QRSL1: variants seen among roughly 807,000 people sequenced by gnomAD.
The protein encoded by QRSL1 is glutaminyl-tRNA amidotransferase subunit QRSL1, also known as glutamyl-tRNA(Gln) amidotransferase subunit A, mitochondrial.
QRSL1 carries 54 observed loss-of-function variants against 61.6 expected under a neutral mutation model. That is an observed-to-expected ratio of 0.88 (90% confidence interval 0.70 to 1.10). The LOEUF (loss-of-function observed/expected upper bound fraction) is 1.10. QRSL1 is among the 50% of genes least tolerant of loss of function. QRSL1 has a pLI of 0.00. For missense variants in QRSL1, 505 were observed against 622.6 expected (o/e 0.81, Z 2.01); for synonymous variants, 228 against 225.7 (o/e 1.01, Z -0.09).
intron 3 of QRSL1, chr6:106,642,497 A>G (rs575631858): frequency 3.6e-5 from 25 of 687,758 alleles, no homozygotes; most frequent in Non-Finnish European, 6.1e-5. Flanking sequence ...GGCACCCAAT[A>G]TGTGTTTTCT....
intron 3 of QRSL1, 71 bp downstream of exon 3, chr6:106,640,992 G>C: frequency 9.5e-7 from 1 of 1,052,738 alleles, no homozygotes; most frequent in Non-Finnish European, 1.4e-6. Context: ...GGATAATAAA[G>C]TACCAAGATA....
At chr6:106,652,636 C>A (rs944553233) in intron 7 of QRSL1, 54 bp downstream of exon 7, 2 of 1,610,540 alleles carry the variant, frequency 1.2e-6, no homozygotes, top group South Asian at 2.2e-5. Flanking sequence ...CAATAGAGAG[C>A]ACAGACTTGG....
intron 3 of QRSL1, chr6:106,642,368 T>C (rs1256420416): frequency 2.0e-5 from 8 of 396,496 alleles, no homozygotes; most frequent in Non-Finnish European, 1.4e-5. Context: ...CTCTTGTTTC[T>C]TACATATGAT....
At position 106,666,330 on chromosome 6, in the gene QRSL1, A is replaced by T. The variant is rs1445947383; in HGVS notation, c.*328A>T. Reference sequence around the variant, plus strand: ...AGACTGTGTCTCAAAATAAATAAATAAAATAAAATAAAATGACGTACAGAG... The same window carrying T: ...AGACTGTGTCTCAAAATAAATAAATTAAATAAAATAAAATGACGTACAGAG... On this transcript the variant is annotated 3_prime_UTR_variant, in exon 11 of 11. Coordinates refer to ENST00000369046, the MANE Select transcript of QRSL1 (RefSeq NM_018292.5). The T allele has an allele frequency of 1.2e-5, 3 of 250,764 alleles. No individual in the cohort carries two copies. The highest frequency in any genetic ancestry group is 6.9e-5 in the African/African-American group (3 of 43,674). 15.5% of individuals were successfully genotyped at this position (250,764 alleles called of 1,614,324 possible).
At chr6:106,640,625 C>G in intron 2 of QRSL1, 117 bp downstream of exon 2, 1 of 1,061,190 alleles carries the variant, frequency 9.4e-7, no homozygotes, top group Non-Finnish European at 1.3e-6. Context: ...ATTTAAAGAA[C>G]TTGCCATGAG....
At chr6:106,655,773 C>T (rs760839941) in intron 9 of QRSL1, 41 bp downstream of exon 9, 2 of 1,211,930 alleles carry the variant, frequency 1.7e-6, no homozygotes, top group East Asian at 2.4e-5. Context: ...TTCTTGAAAC[C>T]TCAAGTAACA....
intron 5 of QRSL1, among the ~76,000 whole-genome samples, 162 bp downstream of exon 5, chr6:106,649,363 G>A (rs1439265711): frequency 6.6e-6 from 1 of 152,048 alleles, no homozygotes; most frequent in Non-Finnish European, 1.5e-5. Context: ...GCACTCAACT[G>A]TACAGTACAC....
chr6:106,630,018 C>T (rs1448171282), intron 1 of QRSL1, among the ~76,000 whole-genome samples: 1 of 152,090 alleles, frequency 6.6e-6, no homozygotes, highest in Admixed American at 6.6e-5. Context: ...AGGGGGCTTG[C>T]GGGGCCACTT....
At chr6:106,632,996 G>T (rs1776861727) in intron 1 of QRSL1, among the ~76,000 whole-genome samples, 1 of 152,142 alleles carries the variant, frequency 6.6e-6, no homozygotes, top group South Asian at 2.1e-4. Context: ...AACTGTCATA[G>T]CTCCTTAAGT....
At chr6:106,655,118 G>T (rs1329053216) in intron 8 of QRSL1, among the ~76,000 whole-genome samples, 196 bp downstream of exon 8, 2 of 152,102 alleles carry the variant, frequency 1.3e-5, no homozygotes, top group Non-Finnish European at 2.9e-5. Context: ...TGTTTGGTTT[G>T]CTTCTCAGGA....
At chr6:106,664,189 A>G (rs960707906) in intron 10 of QRSL1, among the ~76,000 whole-genome samples, 3 of 152,164 alleles carry the variant, frequency 2.0e-5, no homozygotes, top group Non-Finnish European at 4.4e-5. Flanking sequence ...TTTCCTCCTG[A>G]TATATTACAT....
chr6:106,649,149 G>T lies in QRSL1; in HGVS notation c.505G>T (p.Gly169Ter). ...TGAAGATTCAGACTGGCTGATAACT[G>T]GAGGAAGCTCAGGTGGGAGTGCAGC... ...ENEDSDWLIT[G>*]GSSGGSAAAV... Residue 169 changes from glycine to a stop codon, truncating the protein, a stop_gained, in exon 5 of 11, where the codon GGA becomes TGA. Transcript: ENST00000369046. LOFTEE classifies it high-confidence loss of function. The T allele has an allele frequency of 6.2e-7, 1 of 1,614,182 alleles. No homozygotes were observed. The highest frequency in any genetic ancestry group is 1.1e-5 in the South Asian group (1 of 91,084).
Position 106,668,110 on chromosome 6 carries a change from A to G in QRSL1, c.*2108A>G, listed in dbSNP as rs1777470367. ...CACCTGGCCGAAATAATAATATTCA[A>G]TATTATATATTCAATGATATTATTC... is the stretch of plus-strand genomic sequence containing the variant. On this transcript the variant is annotated 3_prime_UTR_variant, in exon 11 of 11. Coordinates refer to ENST00000369046, the MANE Select transcript of QRSL1 (RefSeq NM_018292.5). The G allele has an allele frequency of 1.3e-5, 2 of 152,006 alleles. No homozygotes were observed. Among genetic ancestry groups the G allele is most frequent in the Non-Finnish European group, 2.9e-5 (2 of 68,024 alleles). 9.4% of individuals were successfully genotyped at this position (152,006 alleles called of 1,614,324 possible).
chr6:106,659,290 C>A (rs1777318562), intron 9 of QRSL1, among the ~76,000 whole-genome samples: 1 of 151,988 alleles, frequency 6.6e-6, no homozygotes, highest in Admixed American at 6.6e-5. Flanking sequence ...CATGACAAGA[C>A]CCTGTCTCTA....
intron 4 of QRSL1, among the ~76,000 whole-genome samples, chr6:106,648,551 G>A (rs1469208632): frequency 5.3e-5 from 8 of 152,120 alleles, no homozygotes; most frequent in Non-Finnish European, 1.2e-4. Context: ...TTGACCGTAG[G>A]TATGTCTGGG....
At chr6:106,631,953 C>A (rs1424444894) in intron 1 of QRSL1, among the ~76,000 whole-genome samples, 1 of 152,188 alleles carries the variant, frequency 6.6e-6, no homozygotes, top group Admixed American at 6.5e-5. Context: ...CCCCACTTCC[C>A]ACCCCTACTA....
At chr6:106,650,377 T>A (rs1246872345) in intron 5 of QRSL1, among the ~76,000 whole-genome samples, 1 of 152,206 alleles carries the variant, frequency 6.6e-6, no homozygotes, top group Non-Finnish European at 1.5e-5. Context: ...TAATTTGCAT[T>A]TTCTGTAGGG....
rs1298723598 is a variant in QRSL1, at chr6:106,640,836, G to T, written c.198G>T (p.Gly66=). ...EKRYKNGQSL[G]DLDGIPIAVK... is the part of the protein sequence containing the mutation. The stretch of plus-strand genomic sequence containing the variant: ...TTTTTAATGCAGGACAGTCACTTGG[G>T]GATTTAGATGGAATTCCTATTGCAG... The change falls in exon 3 of 11, where the codon GGG becomes GGT. Residue 66 remains glycine, a synonymous_variant. Coordinates refer to ENST00000369046, the MANE Select transcript of QRSL1 (RefSeq NM_018292.5). 3 of 1,613,262 alleles carry T rather than the reference G, an allele frequency of 1.9e-6. No homozygotes were observed. Among genetic ancestry groups the T allele is most frequent in the Non-Finnish European group, 2.5e-6 (3 of 1,179,584 alleles).
intron 9 of QRSL1, among the ~76,000 whole-genome samples, chr6:106,658,556 T>TA (rs916964596): frequency 4.4e-4 from 65 of 146,806 alleles, no homozygotes; most frequent in African/African-American, 9.7e-4. Context: ...CCCATCTCTT[T>TA]AAAAAAAAAA....
Sources: allele counts gnomAD v4.1 joint callset (sites outside exome capture counted in the v4.1 genomes callset), GRCh38; gene constraint gnomAD v4.1.1; transcripts MANE v1.5; gene names NCBI Gene and HGNC (gene_info 2026-07-23, HGNC 2026-07-21).